Variants in NAALADL2 observed in about 807,000 individuals in gnomAD.
NAALADL2 encodes N-acetylated alpha-linked acidic dipeptidase like 2, also known as inactive N-acetylated-alpha-linked acidic dipeptidase-like protein 2.
In NAALADL2, 76 loss-of-function variants were observed where a neutral mutation model predicts 87.2. The observed-to-expected ratio is 0.87, with a 90% CI of 0.72 to 1.05. The LOEUF (loss-of-function observed/expected upper bound fraction) is 1.05, where lower values mean the gene tolerates loss of function less well. NAALADL2 is among the 50% of genes least tolerant of loss of function. The probability of loss-of-function intolerance (pLI) is 0.00; values close to 1 mark genes in which losing one functional copy is unlikely to be tolerated. For synonymous variants in NAALADL2, 354 were observed against 331.0 expected, an observed-to-expected ratio of 1.07 and a Z score of -0.75; for missense variants, 1,089 against 945.8, an observed-to-expected ratio of 1.15 and a Z score of -1.99.
chr3:175,793,697 A>G (rs1753109590), intron 13 of NAALADL2, among the ~76,000 whole-genome samples: 1 of 152,116 alleles, frequency 6.6e-6, no homozygotes, highest in Admixed American at 6.5e-5. Flanking sequence ...ATAACCTCAT[A>G]CCATATAGTA....
chr3:175,683,176 A>G (rs1378684224), intron 11 of NAALADL2, among the ~76,000 whole-genome samples: 3 of 152,026 alleles, frequency 2.0e-5, no homozygotes, highest in Non-Finnish European at 4.4e-5. Context: ...CAAAAATAAT[A>G]ATTTAATAAT....
At chr3:174,546,614 A>C (rs1317275202) in intron 1 of NAALADL2, among the ~76,000 whole-genome samples, 2 of 151,316 alleles carry the variant, frequency 1.3e-5, no homozygotes, top group Non-Finnish European at 3.0e-5. Context: ...CACTTCTTTT[A>C]CCCTTTTTCT....
At position 175,769,730 on chromosome 3, in the gene NAALADL2, GTGTGTGTGTCTGTGTGTATGTCTC is replaced by G. The variant is rs1156329045; in HGVS notation, c.2189+14331_2189+14354del. ...ATGGCATGTATATGTGTGTGCATGT[GTGTGTGTGTCTGTGTGTATGTCTC>G]TGTGTGTGTCTGTGTGTAATTTTAA... On this transcript the variant is annotated intron_variant, in intron 13 of 13. Coordinates refer to ENST00000454872, the MANE Select transcript of NAALADL2 (RefSeq NM_207015.3). 6.0e-4 allele frequency among the ~76,000 whole-genome samples: 91 copies of G among 151,782 alleles called. 2 individuals are homozygous for G. The South Asian group carries it at 0.018, about 30-fold the overall frequency.
At chr3:174,455,030 A>G (rs1053856386) in intron 1 of NAALADL2, among the ~76,000 whole-genome samples, 3 of 151,876 alleles carry the variant, frequency 2.0e-5, no homozygotes, top group Non-Finnish European at 4.4e-5. Context: ...AAGGCTATTT[A>G]GAAATGACAG....
At chr3:175,103,917 A>G (rs979268557) in intron 2 of NAALADL2, among the ~76,000 whole-genome samples, 2 of 152,176 alleles carry the variant, frequency 1.3e-5, no homozygotes, top group Admixed American at 6.5e-5. Context: ...CTACCTAGAA[A>G]CAAAATATAT....
chr3:175,454,136 G>T (rs1329847600), intron 6 of NAALADL2, among the ~76,000 whole-genome samples: 1 of 151,942 alleles, frequency 6.6e-6, no homozygotes, highest in East Asian at 1.9e-4. Context: ...CAATCTGATA[G>T]TCTTTTAATA....
At chr3:175,479,732 G>A (rs987740529) in intron 9 of NAALADL2, among the ~76,000 whole-genome samples, 29 of 151,626 alleles carry the variant, frequency 1.9e-4, no homozygotes, top group Admixed American at 1.2e-3. Context: ...AGCCTTAAGT[G>A]TCTTATAACC....
intron 3 of NAALADL2, among the ~76,000 whole-genome samples, chr3:174,822,127 C>T (rs2109335072): frequency 6.6e-6 from 1 of 151,708 alleles, no homozygotes; most frequent in Non-Finnish European, 1.5e-5. Context: ...GTGAGTTAAA[C>T]TAGGTACACA....
rs747593273 is a variant in NAALADL2, at chr3:175,467,020, A to G, written c.1369A>G (p.Ser457Gly). 1.2e-4 allele frequency: 189 copies of G among 1,613,716 alleles called. No individual in the cohort carries two copies. Among genetic ancestry groups the G allele is most frequent in the Non-Finnish European group, 1.5e-4 (182 of 1,179,784 alleles). ...IVGSHHHTAHSYNGQEWASST... is the reference protein window; with the variant it reads ...IVGSHHHTAHGYNGQEWASST... ...TGGCAGCCATCATCACACTGCACAC[A>G]GTTATAATGGACAAGAATGGGCCAG... Residue 457 changes from serine to glycine, a missense_variant, in exon 8 of 14, where the codon AGT becomes GGT. Coordinates refer to ENST00000454872, the MANE Select transcript of NAALADL2 (RefSeq NM_207015.3).
rs557285853 is a variant in NAALADL2, at chr3:175,681,279, A to T, written c.1896+53893A>T. On this transcript the variant is annotated intron_variant, in intron 11 of 13. Transcript: ENST00000454872. ...TTTTAAAAATAAATACCAAATATTT[A>T]CAAAATAAGTACAGTATAATGCATA... is the stretch of plus-strand genomic sequence containing the variant. Among the ~76,000 whole-genome samples, 10 of 152,330 alleles carry T rather than the reference A, an allele frequency of 6.6e-5. 1 individual carries two copies. The South Asian group carries it at 2.1e-3, about 32-fold the overall frequency.
intron 3 of NAALADL2, among the ~76,000 whole-genome samples, chr3:174,786,008 T>G (rs1716595272): frequency 6.6e-6 from 1 of 152,314 alleles, no homozygotes; most frequent in South Asian, 2.1e-4. Flanking sequence ...AGGAATTACA[T>G]GATTAGCTGT....
intron 5 of NAALADL2, among the ~76,000 whole-genome samples, chr3:175,408,396 C>A (rs1376359957): frequency 6.6e-6 from 1 of 151,926 alleles, no homozygotes; most frequent in Admixed American, 6.6e-5. Flanking sequence ...TAAATATATA[C>A]AATTATTATT....
intron 9 of NAALADL2, among the ~76,000 whole-genome samples, chr3:175,507,474 G>A (rs907423815): frequency 1.3e-5 from 2 of 152,114 alleles, no homozygotes; most frequent in African/African-American, 4.8e-5. Flanking sequence ...CCAGGCTAGA[G>A]TGCAATGGTG....
intron 3 of NAALADL2, among the ~76,000 whole-genome samples, chr3:174,801,037 ACTTGT>A (rs1488597049): frequency 6.6e-6 from 1 of 152,174 alleles, no homozygotes; most frequent in African/African-American, 2.4e-5. Context: ...GGTGGAAAGG[ACTTGT>A]CTTGTCTCAG....
At chr3:174,848,792 A>T (rs761410681) in intron 3 of NAALADL2, among the ~76,000 whole-genome samples, 1 of 152,198 alleles carries the variant, frequency 6.6e-6, no homozygotes, top group Admixed American at 6.5e-5. Context: ...CGTGAACACC[A>T]TAGAGTGTAC....
At chr3:174,763,585 T>TAAAAAAAAAA (rs1265162403) in intron 3 of NAALADL2, among the ~76,000 whole-genome samples, 1 of 5,276 alleles carries the variant, frequency 1.9e-4, no homozygotes, top group Admixed American at 9.7e-4. Flanking sequence ...AGACTCCATC[T>TAAAAAAAAAA]CAAAAAAAAA....
intron 10 of NAALADL2, among the ~76,000 whole-genome samples, chr3:175,603,332 C>G (rs13074977): frequency 0.65 from 98,870 of 152,056 alleles, 34,492 homozygotes; most frequent in East Asian, 0.85. Flanking sequence ...ATAAAATTTA[C>G]CATCTTAAAA....
chr3:174,601,903 G>A (rs900422774), intron 2 of NAALADL2, among the ~76,000 whole-genome samples: 3 of 152,058 alleles, frequency 2.0e-5, no homozygotes, highest in African/African-American at 4.8e-5. Flanking sequence ...TTAAGATAAT[G>A]TCCTTTTCCC....
chr3:174,495,604 T>G (rs546816182), intron 1 of NAALADL2, among the ~76,000 whole-genome samples: 1 of 151,882 alleles, frequency 6.6e-6, no homozygotes. Context: ...ATCACACAGG[T>G]TATGTTGGAA....
Sources: allele counts gnomAD v4.1 joint callset (sites outside exome capture counted in the v4.1 genomes callset), GRCh38; gene constraint gnomAD v4.1.1; transcripts MANE v1.5; gene names NCBI Gene and HGNC (gene_info 2026-07-23, HGNC 2026-07-21).